OASL: variants seen among roughly 807,000 people sequenced by gnomAD.
OASL encodes the protein 2'-5'-oligoadenylate synthetase like.
In OASL, 28 loss-of-function variants were observed where a neutral mutation model predicts 35.3. The ratio of observed to expected loss-of-function variants is 0.79; its 90% CI spans 0.59 to 1.09. The LOEUF (loss-of-function observed/expected upper bound fraction) is 1.09. Ranked by LOEUF, OASL falls within the 50% of genes least tolerant of loss-of-function variation. The pLI is 0.00. For synonymous variants in OASL, 252 were observed against 254.6 expected (o/e 0.99, Z 0.10); for missense variants, 620 against 635.2 (o/e 0.98, Z 0.26).
rs1443018721 is a variant in OASL, at chr12:121,033,597, G to A, written c.345C>T (p.Ser115=). ...CGAGCCCGAGGTCCAGCAGGTCCTG[G>A]CTTTGCCACATGGTTTTCCATATCA... is the stretch of plus-strand genomic sequence containing the variant. The change falls in exon 2 of 6, where the codon AGC becomes AGT. Residue 115 remains serine, a synonymous_variant. Transcript: ENST00000257570. 4 of 1,614,162 alleles carry A rather than the reference G, an allele frequency of 2.5e-6. No homozygotes were observed. In the East Asian group the frequency reaches 8.9e-5, roughly 36 times the overall value.
exon 1 of OASL, chr12:121,039,106 A>C (rs1438564661): frequency 2.8e-6 from 2 of 709,020 alleles, no homozygotes; most frequent in Non-Finnish European, 4.7e-6. Flanking sequence ...GGACCCTAGC[A>C]GAGAGGAAAC....
intron 4 of OASL, among the ~76,000 whole-genome samples, chr12:121,026,668 A>G (rs933156475): frequency 2.6e-5 from 4 of 152,280 alleles, no homozygotes; most frequent in Non-Finnish European, 2.9e-5. Context: ...CCTGGCCAAC[A>G]TGGCAAAGCA....
chr12:121,038,224 G>A (rs117920918), intron 1 of OASL, among the ~76,000 whole-genome samples: 247 of 152,248 alleles, frequency 1.6e-3, no homozygotes, highest in Non-Finnish European at 2.6e-3. Flanking sequence ...TCTAAGCCAC[G>A]TTAAAGTAAA....
intron 4 of OASL, among the ~76,000 whole-genome samples, chr12:121,026,579 C>T (rs1171323448): frequency 6.6e-6 from 1 of 152,128 alleles, no homozygotes; most frequent in East Asian, 1.9e-4. Context: ...GGGCCCAGTG[C>T]GGTGGCTCAC....
At chr12:121,023,789 A>G in intron 5 of OASL, 2 of 525,574 alleles carry the variant, frequency 3.8e-6, no homozygotes, top group Admixed American at 6.4e-5. Context: ...GAGAACAAGA[A>G]TTTGAAGGTA....
exon 6 of OASL, chr12:121,019,318 A>T (rs1869144449): frequency 6.6e-6 from 1 of 152,200 alleles, no homozygotes; most frequent in Admixed American, 6.5e-5. Context: ...GAGGCTGTTG[A>T]TAACCAATTG....
intron 2 of OASL, among the ~76,000 whole-genome samples, chr12:121,032,091 G>A (rs1315370193): frequency 1.3e-5 from 2 of 152,184 alleles, no homozygotes; most frequent in African/African-American, 2.4e-5. Context: ...TACTCGGGAG[G>A]CTGAGGCTGG....
chr12:121,024,218 T>A, intron 4 of OASL, 81 bp from the exon 5 acceptor site: 1 of 1,488,732 alleles, frequency 6.7e-7, no homozygotes, highest in African/African-American at 1.4e-5. Flanking sequence ...CGGCAATTAT[T>A]TCGTCCAGCC....
exon 6 of OASL, chr12:121,020,528 G>A (rs1390201858): frequency 6.4e-7 from 1 of 1,563,272 alleles, no homozygotes; most frequent in South Asian, 1.2e-5. Flanking sequence ...GGAGTACATG[G>A]CAGAAATGTA....
chr12:121,023,487 T>C (rs1303784156), intron 5 of OASL, among the ~76,000 whole-genome samples: 2 of 127,366 alleles, frequency 1.6e-5, no homozygotes, highest in Non-Finnish European at 3.5e-5. Flanking sequence ...ATGGGTTTTT[T>C]CCATGTTGGC....
chr12:121,033,685 G>A (rs866108869), exon 2 of OASL: 6 of 1,613,910 alleles, frequency 3.7e-6, no homozygotes, highest in East Asian at 2.2e-5. Context: ...GCTCAGAAAC[G>A]CCACCAGCTC....
intron 5 of OASL, among the ~76,000 whole-genome samples, chr12:121,021,411 A>T (rs61537850): frequency 0.028 from 4,226 of 152,266 alleles, 155 homozygotes; most frequent in African/African-American, 0.089. Context: ...CTGTGTTCTC[A>T]CCACCTCCAG....
intron 4 of OASL, among the ~76,000 whole-genome samples, chr12:121,026,539 G>A (rs1263162465): frequency 6.6e-6 from 1 of 152,188 alleles, no homozygotes; most frequent in Non-Finnish European, 1.5e-5. Context: ...TGGTCCACTG[G>A]AGGCGATCTT....
intron 3 of OASL, among the ~76,000 whole-genome samples, chr12:121,030,675 A>G (rs1215679377): frequency 6.6e-6 from 1 of 152,052 alleles, no homozygotes; most frequent in Non-Finnish European, 1.5e-5. Context: ...CTGCTGCCTG[A>G]GAAATGTCCC....
At chr12:121,026,060 T>C (rs1869471098) in intron 4 of OASL, among the ~76,000 whole-genome samples, 1 of 152,116 alleles carries the variant, frequency 6.6e-6, no homozygotes, top group South Asian at 2.1e-4. Context: ...ATCAGACTGG[T>C]TCTCTCTGGG....
At chr12:121,035,269 G>C (rs577836750) in intron 1 of OASL, among the ~76,000 whole-genome samples, 1 of 152,116 alleles carries the variant, frequency 6.6e-6, no homozygotes, top group African/African-American at 2.4e-5. Flanking sequence ...GCTCATGCCT[G>C]TAATCTCAGC....
intron 1 of OASL, among the ~76,000 whole-genome samples, 200 bp from the exon 2 acceptor site, chr12:121,033,943 C>T (rs1253904477): frequency 6.6e-6 from 1 of 152,140 alleles, no homozygotes; most frequent in Non-Finnish European, 1.5e-5. Flanking sequence ...AGAAATGGGG[C>T]AGCCTGAAAA....
intron 3 of OASL, among the ~76,000 whole-genome samples, chr12:121,029,487 G>A (rs375698484): frequency 6.6e-6 from 1 of 152,202 alleles, no homozygotes; most frequent in African/African-American, 2.4e-5. Context: ...AGGAGATCGA[G>A]ACCATCCTGG....
chr12:121,031,601 G>T (rs1247062018), exon 3 of OASL: 1 of 1,613,414 alleles, frequency 6.2e-7, no homozygotes, highest in Admixed American at 1.7e-5. Flanking sequence ...GTGGCTGGGA[G>T]TTGGGAAGAG....
Sources: gnomAD v4.1 joint callset for allele counts (sites outside exome capture counted in the v4.1 genomes callset) on GRCh38, gnomAD v4.1.1 for gene constraint, MANE v1.5 for transcripts, NCBI Gene and HGNC (gene_info 2026-07-23, HGNC 2026-07-21) for gene names.